Variants in ESRRG observed in about 807,000 individuals in gnomAD.
ESRRG encodes the protein estrogen-related receptor gamma.
ESRRG carries 13 observed loss-of-function variants against 44.0 expected under a neutral mutation model. The ratio of observed to expected loss-of-function variants is 0.30; its 90% CI spans 0.19 to 0.47. The LOEUF is 0.47. Among genes scored for constraint, ESRRG ranks in the 20% least tolerant of loss-of-function variants. The pLI is 1.00. For synonymous variants in ESRRG, 215 were observed against 214.6 expected, an observed-to-expected ratio of 1.00 and a Z score of -0.02; for missense variants, 395 against 580.6, an observed-to-expected ratio of 0.68 and a Z score of 3.29.
intron 2 of ESRRG, among the ~76,000 whole-genome samples, chr1:216,774,967 AT>A (rs1186235039): frequency 0.011 from 1,550 of 141,862 alleles, 7 homozygotes; most frequent in Non-Finnish European, 0.012. Flanking sequence ...ATGCTCGGCT[AT>A]TTTTTTTTTT....
At chr1:216,713,821 G>A (rs944894221) in intron 1 of ESRRG, among the ~76,000 whole-genome samples, 1 of 152,116 alleles carries the variant, frequency 6.6e-6, no homozygotes, top group Non-Finnish European at 1.5e-5. Context: ...AACAGTGTTG[G>A]CATTTTACTT....
At chr1:216,723,561 C>A, upstream of ESRRG, 2 of 482,542 alleles carry the variant, frequency 4.1e-6, no homozygotes, top group Non-Finnish European at 7.4e-6. Flanking sequence ...AGGAGGGAGG[C>A]GACGGGAGGC....
chr1:216,567,094 G>A (rs1406480438), intron 4 of ESRRG, among the ~76,000 whole-genome samples: 2 of 152,140 alleles, frequency 1.3e-5, no homozygotes, highest in East Asian at 1.9e-4. Flanking sequence ...TGCTACAGAT[G>A]CATTTTCCTC....
chr1:216,662,434 T>C (rs2072728700), intron 2 of ESRRG, among the ~76,000 whole-genome samples: 1 of 152,144 alleles, frequency 6.6e-6, no homozygotes, highest in Non-Finnish European at 1.5e-5. Context: ...ATAGCACTGC[T>C]GGCTGGATTG....
rs188439283 is a variant in ESRRG at position 217,100,821 on chromosome 1, G to A, written c.-230+36846C>T. On this transcript the variant is annotated intron_variant, in intron 1 of 8. Transcript: ENST00000366940. ...AGAACTTACTTATTACCCCAAGGAT[G>A]GCACAAAGCCACTCTCAAAGAATCG... 8.5e-5 allele frequency among the ~76,000 whole-genome samples: 13 copies of A among 152,262 alleles called. No individual in the cohort carries two copies. The South Asian group carries it at 1.2e-3, about 15-fold the overall frequency.
At chr1:216,673,343 A>G (rs1405881146) in intron 2 of ESRRG, among the ~76,000 whole-genome samples, 1 of 152,224 alleles carries the variant, frequency 6.6e-6, no homozygotes, top group Non-Finnish European at 1.5e-5. Flanking sequence ...TATTTGCCTC[A>G]CTGCCTTTTT....
Position 216,577,430 on chromosome 1 carries a change from A to T in ESRRG, c.590-9332T>A, listed in dbSNP as rs570421659. Among the ~76,000 whole-genome samples the T allele has an allele frequency of 7.2e-5, 11 of 152,170 alleles. No homozygotes were observed. The East Asian group carries it at 1.9e-3, about 27-fold the overall frequency. ...CTCATATGAATAAAGTTATGAATTC[A>T]TGGGTAAAGACATGAAATGGGGTTG... On this transcript the variant is annotated intron_variant, in intron 3 of 6. Coordinates refer to ENST00000408911, the MANE Select transcript of ESRRG (RefSeq NM_001438.4).
At chr1:216,523,490 G>GTTTTTTTTTTTTTT (rs749747909) in intron 5 of ESRRG, among the ~76,000 whole-genome samples, 2 of 126,326 alleles carry the variant, frequency 1.6e-5, no homozygotes, top group Non-Finnish European at 1.7e-5. Context: ...ATCAAGCACT[G>GTTTTTTTTTTTTTT]TTTTTTTTTT....
chr1:217,132,729 G>C (rs1415828197), intron 1 of ESRRG, among the ~76,000 whole-genome samples: 1 of 151,978 alleles, frequency 6.6e-6, no homozygotes, highest in Non-Finnish European at 1.5e-5. Flanking sequence ...CTTCTTCTTG[G>C]GGGTTACAGG....
At chr1:216,634,091 T>A (rs2064800226) in intron 3 of ESRRG, among the ~76,000 whole-genome samples, 1 of 152,068 alleles carries the variant, frequency 6.6e-6, no homozygotes. Flanking sequence ...GAAATTCACC[T>A]CATAGATCTA....
chr1:216,829,232 C>T (rs1380070159), intron 2 of ESRRG, among the ~76,000 whole-genome samples: 2 of 152,048 alleles, frequency 1.3e-5, no homozygotes, highest in Non-Finnish European at 2.9e-5. Context: ...CCTGACACAC[C>T]TGGAGTGTGT....
At chr1:217,040,279 G>A (rs1324231234) in intron 1 of ESRRG, among the ~76,000 whole-genome samples, 1 of 152,160 alleles carries the variant, frequency 6.6e-6, no homozygotes, top group African/African-American at 2.4e-5. Flanking sequence ...AGGCTGGTGA[G>A]TTCAAATTCT....
intron 1 of ESRRG, among the ~76,000 whole-genome samples, chr1:217,032,240 T>A (rs1286975343): frequency 6.6e-6 from 1 of 152,220 alleles, no homozygotes; most frequent in Non-Finnish European, 1.5e-5. Flanking sequence ...CTACTGAAAA[T>A]TAAATTTTCA....
intron 3 of ESRRG, among the ~76,000 whole-genome samples, chr1:216,583,136 A>G (rs1036676971): frequency 6.6e-6 from 1 of 152,244 alleles, no homozygotes; most frequent in Non-Finnish European, 1.5e-5. Context: ...AGAACTGCCC[A>G]TATGCCAAAT....
intron 3 of ESRRG, among the ~76,000 whole-genome samples, chr1:216,583,849 G>C (rs1419904738): frequency 6.6e-6 from 1 of 152,202 alleles, no homozygotes; most frequent in Non-Finnish European, 1.5e-5. Context: ...CAAAGAGAGA[G>C]AGAGCTTGTG....
At chr1:216,999,524 G>T (rs950780924) in intron 1 of ESRRG, among the ~76,000 whole-genome samples, 1 of 152,116 alleles carries the variant, frequency 6.6e-6, no homozygotes, top group Non-Finnish European at 1.5e-5. Flanking sequence ...GATACACTGG[G>T]ATTCAAGCCC....
At chr1:216,902,404 C>T (rs1003484132) in intron 2 of ESRRG, among the ~76,000 whole-genome samples, 7 of 151,538 alleles carry the variant, frequency 4.6e-5, no homozygotes, top group African/African-American at 1.7e-4. Flanking sequence ...CAGGAGAATC[C>T]CTTGAACCCA....
intron 1 of ESRRG, among the ~76,000 whole-genome samples, chr1:216,946,884 G>C (rs192505047): frequency 3.3e-5 from 5 of 151,894 alleles, no homozygotes; most frequent in Admixed American, 2.6e-4. Flanking sequence ...ATTTTTAGTA[G>C]CAACAGGGTT....
chr1:217,060,020 A>G (rs1273527054), intron 1 of ESRRG, among the ~76,000 whole-genome samples: 2 of 152,088 alleles, frequency 1.3e-5, no homozygotes, highest in Admixed American at 6.6e-5. Context: ...TGAAGAATAC[A>G]AAGGATTATA....
Sources: allele counts gnomAD v4.1 joint callset (sites outside exome capture counted in the v4.1 genomes callset), GRCh38; gene constraint gnomAD v4.1.1; transcripts MANE v1.5; gene names NCBI Gene and HGNC (gene_info 2026-07-23, HGNC 2026-07-21).